The following DYNC1I1 variants were observed in gnomAD, a reference collection of about 807,000 sequenced individuals.
DYNC1I1 encodes the protein dynein cytoplasmic 1 intermediate chain 1, also known as cytoplasmic dynein 1 intermediate chain 1.
A neutral mutation model predicts 86.6 loss-of-function variants in DYNC1I1; 43 were observed. The ratio of observed to expected loss-of-function variants is 0.50; its 90% confidence interval spans 0.39 to 0.64. The LOEUF is 0.64. Among genes scored for constraint, DYNC1I1 ranks in the 30% least tolerant of loss-of-function variants. DYNC1I1 has a pLI of 0.00. For synonymous variants in DYNC1I1, 262 were observed against 283.7 expected (o/e 0.92, Z 0.77); for missense variants, 604 against 788.8 (o/e 0.77, Z 2.81).
intron 6 of DYNC1I1, among the ~76,000 whole-genome samples, chr7:95,955,932 G>A (rs1792699142): frequency 6.6e-6 from 1 of 152,146 alleles, no homozygotes; most frequent in Non-Finnish European, 1.5e-5. Flanking sequence ...GGAGGAACAG[G>A]TGCCTGTTAC....
chr7:95,878,309 T>C (rs1216114749), intron 6 of DYNC1I1, among the ~76,000 whole-genome samples: 1 of 151,726 alleles, frequency 6.6e-6, no homozygotes, highest in Admixed American at 6.6e-5. Flanking sequence ...AAAGAAACCA[T>C]ACTAATGAAG....
chr7:96,096,943 T>C (rs1174521415), intron 16 of DYNC1I1, among the ~76,000 whole-genome samples: 1 of 152,144 alleles, frequency 6.6e-6, no homozygotes, highest in East Asian at 1.9e-4. Context: ...ATTACTACTA[T>C]TCATAGTTAT....
chr7:95,798,884 C>G (rs1794509753), intron 1 of DYNC1I1, among the ~76,000 whole-genome samples: 1 of 152,118 alleles, frequency 6.6e-6, no homozygotes, highest in Non-Finnish European at 1.5e-5. Context: ...GGTGATAGAG[C>G]TCATTGTTGG....
chr7:95,940,729 T>C (rs990494112), intron 6 of DYNC1I1, among the ~76,000 whole-genome samples: 9 of 152,342 alleles, frequency 5.9e-5, no homozygotes, highest in Middle Eastern at 3.4e-3. Flanking sequence ...TTCAACTTCT[T>C]TGCCTTTGGT....
chr7:96,082,953 T>C (rs1323586627), intron 16 of DYNC1I1, among the ~76,000 whole-genome samples: 1 of 152,188 alleles, frequency 6.6e-6, no homozygotes, highest in East Asian at 1.9e-4. Context: ...TAAGTGATAT[T>C]ACAGACTATA....
chr7:96,013,594 G>T, intron 10 of DYNC1I1, among the ~76,000 whole-genome samples: 1 of 152,142 alleles, frequency 6.6e-6, no homozygotes. Flanking sequence ...AGGTAGCTGG[G>T]ACTACAGGCA....
intron 6 of DYNC1I1, among the ~76,000 whole-genome samples, chr7:95,901,773 G>T (rs2116311194): frequency 6.6e-6 from 1 of 152,324 alleles, no homozygotes; most frequent in South Asian, 2.1e-4. Context: ...AGTATGGTGA[G>T]ATGAGGGCTG....
At chr7:96,080,161 G>A (rs1398764757) in intron 15 of DYNC1I1, among the ~76,000 whole-genome samples, 1 of 152,086 alleles carries the variant, frequency 6.6e-6, no homozygotes, top group Non-Finnish European at 1.5e-5. Flanking sequence ...TTGTTAAAGT[G>A]TCTCTTCTCT....
chr7:95,976,827 G>A (rs1793316103), intron 6 of DYNC1I1, among the ~76,000 whole-genome samples: 1 of 152,196 alleles, frequency 6.6e-6, no homozygotes, highest in South Asian at 2.1e-4. Context: ...GTTGAGAGTA[G>A]AGGAAAAATG....
intron 6 of DYNC1I1, among the ~76,000 whole-genome samples, chr7:95,880,973 A>G (rs1214538474): frequency 6.6e-6 from 1 of 151,956 alleles, no homozygotes; most frequent in African/African-American, 2.4e-5. Context: ...CCATTTTTTT[A>G]TCTTTCCCTA....
At chr7:95,823,955 T>TAC (rs1370436633) in intron 4 of DYNC1I1, among the ~76,000 whole-genome samples, 1 of 102,432 alleles carries the variant, frequency 9.8e-6, no homozygotes, top group East Asian at 3.3e-4. Flanking sequence ...TACTAAACTA[T>TAC]ATATATATAT....
intron 16 of DYNC1I1, among the ~76,000 whole-genome samples, chr7:96,108,647 A>C (rs1791256794): frequency 6.6e-6 from 1 of 151,978 alleles, no homozygotes; most frequent in East Asian, 1.9e-4. Flanking sequence ...GTGGATCACG[A>C]GGTCAGGAGT....
chr7:95,972,508 G>C (rs1453128355), intron 6 of DYNC1I1, among the ~76,000 whole-genome samples: 1 of 151,436 alleles, frequency 6.6e-6, no homozygotes, highest in African/African-American at 2.4e-5. Flanking sequence ...TGGGCTTCGA[G>C]AGAGGAAAGT....
intron 16 of DYNC1I1, among the ~76,000 whole-genome samples, chr7:96,107,427 C>T (rs1791233303): frequency 6.6e-6 from 1 of 152,010 alleles, no homozygotes; most frequent in Non-Finnish European, 1.5e-5. Flanking sequence ...TGAAATCACC[C>T]TCTGGTGTCC....
chr7:95,920,469 A>C (rs1440824125), intron 6 of DYNC1I1, among the ~76,000 whole-genome samples: 2 of 152,212 alleles, frequency 1.3e-5, no homozygotes, highest in African/African-American at 4.8e-5. Context: ...AAAATTAAGA[A>C]TTGTAAGTAA....
intron 7 of DYNC1I1, among the ~76,000 whole-genome samples, chr7:95,981,190 G>T (rs1484064964): frequency 6.6e-6 from 1 of 151,788 alleles, no homozygotes; most frequent in African/African-American, 2.4e-5. Flanking sequence ...ATTATAAATT[G>T]TACATTTTTA....
chr7:95,824,056 T>A (rs1795149399), intron 4 of DYNC1I1, among the ~76,000 whole-genome samples: 1 of 145,324 alleles, frequency 6.9e-6, no homozygotes, highest in Admixed American at 7.0e-5. Flanking sequence ...AGTGGCATGA[T>A]CTCAGCTCAC....
intron 4 of DYNC1I1, among the ~76,000 whole-genome samples, chr7:95,825,341 A>C (rs1224615394): frequency 6.6e-6 from 1 of 152,190 alleles, no homozygotes; most frequent in Non-Finnish European, 1.5e-5. Flanking sequence ...GTCACTAAAA[A>C]TCAGCCCATC....
chr7:96,022,549 G>A (rs1183160027), intron 10 of DYNC1I1, among the ~76,000 whole-genome samples: 3 of 152,040 alleles, frequency 2.0e-5, no homozygotes, highest in African/African-American at 7.2e-5. Flanking sequence ...GAGACTTAGA[G>A]AGAGGAAGGG....
Sources: allele counts gnomAD v4.1 joint callset (sites outside exome capture counted in the v4.1 genomes callset), GRCh38; gene constraint gnomAD v4.1.1; transcripts MANE v1.5; gene names NCBI Gene and HGNC (gene_info 2026-07-23, HGNC 2026-07-21).